GRIN1: variants seen among roughly 807,000 people sequenced by gnomAD.
The protein encoded by GRIN1 is glutamate ionotropic receptor NMDA type subunit 1, also known as glutamate receptor ionotropic, NMDA 1.
In GRIN1, 38 loss-of-function variants were observed where a neutral mutation model predicts 103.0. The observed-to-expected ratio is 0.37, with a 90% confidence interval of 0.28 to 0.48. The LOEUF is 0.48. Among genes scored for constraint, GRIN1 ranks in the 20% least tolerant of loss-of-function variants. GRIN1 has a pLI of 0.98. For synonymous variants in GRIN1, 544 were observed against 532.7 expected, an observed-to-expected ratio of 1.02 and a Z score of -0.29; for missense variants, 577 against 1,288.9, an observed-to-expected ratio of 0.45 and a Z score of 8.46.
At chr9:137,151,233 C>T (rs528510680) in intron 4 of GRIN1, among the ~76,000 whole-genome samples, 2 of 141,758 alleles carry the variant, frequency 1.4e-5, no homozygotes, top group East Asian at 4.3e-4. Flanking sequence ...CTGGTGAAAG[C>T]CCTGCCCAGA....
chr9:137,142,289 C>T (rs1336577560), intron 2 of GRIN1, 142 bp downstream of exon 2: 2 of 802,460 alleles, frequency 2.5e-6, no homozygotes, highest in African/African-American at 3.4e-5. Flanking sequence ...TCATGCACGT[C>T]CACACGCTCT....
At chr9:137,145,925 G>T in intron 3 of GRIN1, 23 bp downstream of exon 3, 1 of 1,562,794 alleles carries the variant, frequency 6.4e-7, no homozygotes, top group Non-Finnish European at 8.7e-7. Flanking sequence ...GCCGCGGGTG[G>T]GCGCCTGGCG....
chr9:137,153,109 CCA>C lies in GRIN1; in HGVS notation c.672-3550_672-3549del, dbSNP rs769826193. On this transcript the variant is annotated intron_variant, in intron 4 of 19. Coordinates refer to ENST00000371561, the MANE Select transcript of GRIN1 (RefSeq NM_007327.4). ...TGTACACACATGCACCATGCATACACCACACACACACGTGCACAAATGTATGT... is the reference window on the plus strand; with the variant it reads ...TGTACACACATGCACCATGCATACACCACACACACGTGCACAAATGTATGT... 5.3e-5 allele frequency among the ~76,000 whole-genome samples: 8 copies of C among 149,752 alleles called. No individual in the cohort carries two copies. The East Asian group carries it at 6.0e-4, about 11-fold the overall frequency.
Position 137,167,535 on chromosome 9 carries a change from C to A in GRIN1, c.*8C>A. On this transcript the variant is annotated 3_prime_UTR_variant, in exon 20 of 20. Coordinates refer to ENST00000371561, the MANE Select transcript of GRIN1 (RefSeq NM_007327.4). ...CGTCATAGGGAGAGCTGAGACTCCC[C>A]GCCCGCCCTCCTCTGCCCCCTCCCC... The A allele has an allele frequency of 6.5e-7, 1 of 1,542,330 alleles. No homozygotes were observed. The highest frequency in any genetic ancestry group is 2.4e-5 in the East Asian group (1 of 41,730).
rs748264026 is a variant in GRIN1, at chr9:137,161,953, T to C, written c.1497T>C (p.Asn499=). Residue 499 remains asparagine (N), a synonymous_variant, in exon 11 of 20, where the codon AAT becomes AAC. Coordinates refer to ENST00000371561, the MANE Select transcript of GRIN1 (RefSeq NM_007327.4). Reference sequence around the variant, plus strand: ...ACAACAGCAACAAGAAGGAGTGGAATGGGATGATGGGCGAGCTGCTCAGCG... The same window carrying C: ...ACAACAGCAACAAGAAGGAGTGGAACGGGATGATGGGCGAGCTGCTCAGCG... ...RVNNSNKKEW[N]GMMGELLSGQ... 6 of 1,566,150 alleles carry C rather than the reference T, an allele frequency of 3.8e-6. No individual in the cohort carries two copies. The highest frequency in any genetic ancestry group is 1.2e-5 in the South Asian group (1 of 85,220).
intron 1 of GRIN1, among the ~76,000 whole-genome samples, chr9:137,141,502 C>T (rs568260565): frequency 1.3e-5 from 2 of 152,334 alleles, no homozygotes; most frequent in East Asian, 3.9e-4. Context: ...GGCCCTGCCC[C>T]TGGAGACACC....
intron 8 of GRIN1, among the ~76,000 whole-genome samples, chr9:137,160,436 CT>C (rs563443845): frequency 2.0e-4 from 30 of 147,574 alleles, no homozygotes; most frequent in Admixed American, 3.4e-4. Flanking sequence ...GGAATCATGT[CT>C]TTTTTTTTTT....
Position 137,156,693 on chromosome 9 carries a change from C to A in GRIN1, c.696C>A (p.Tyr232Ter). ...SASEDDAATV[Y>*]RAAAMLNMTG... ...GCGAGGACGATGCTGCCACTGTATA[C>A]CGCGCAGCCGCGATGCTGAACATGA... The change falls in exon 5 of 20, where the codon TAC becomes TAA. Residue 232 changes from tyrosine (Y) to a stop codon, truncating the protein, a stop_gained. Coordinates refer to ENST00000371561, the MANE Select transcript of GRIN1 (RefSeq NM_007327.4). LOFTEE classifies it high-confidence loss of function. 6.3e-7 allele frequency: 1 copy of A among 1,596,844 alleles called. No individual in the cohort carries two copies. Among genetic ancestry groups the A allele is most frequent in the Non-Finnish European group, 8.5e-7 (1 of 1,172,838 alleles).
rs751074098 is a variant in GRIN1, at chr9:137,146,159, G to A, written c.570+257G>A. Among the ~76,000 whole-genome samples, 6 of 152,036 alleles carry A rather than the reference G, an allele frequency of 3.9e-5. No individual in the cohort carries two copies. Among genetic ancestry groups the A allele is most frequent in the South Asian group, 2.1e-4 (1 of 4,828 alleles). The stretch of plus-strand genomic sequence containing the variant: ...AGCTCCGCAAACACCCCTGCCCCGC[G>A]CTGCCGAGCGCCCTCGTCCCCTCCT... On this transcript the variant is annotated intron_variant, in intron 3 of 19. Transcript: ENST00000371561. The surrounding 1 kb of genome is among the most constrained non-coding windows in gnomAD (Gnocchi z 6.7).
chr9:137,144,390 C>G (rs578223501), intron 2 of GRIN1, among the ~76,000 whole-genome samples: 1 of 148,206 alleles, frequency 6.7e-6, no homozygotes, highest in East Asian at 2.1e-4. Flanking sequence ...CGCGGTGGCT[C>G]ACGCCTGTAA....
chr9:137,148,273 C>G, intron 3 of GRIN1: 2 of 1,176,830 alleles, frequency 1.7e-6, no homozygotes, highest in South Asian at 2.7e-5. Context: ...CTCGGCGCCT[C>G]GGCCACTAGG....
chr9:137,149,118 G>A lies in GRIN1; in HGVS notation c.671+9G>A, dbSNP rs1189132487. On this transcript the variant is annotated intron_variant, in intron 4 of 19. Coordinates refer to ENST00000371561, the MANE Select transcript of GRIN1 (RefSeq NM_007327.4). ...ATCATCCTTTCTGCCAGGTGAGGCT[G>A]GGCAGGGCCCTACACACTCCACACA... 4.4e-6 allele frequency: 7 copies of A among 1,573,368 alleles called. No homozygotes were observed. The highest frequency in any genetic ancestry group is 5.2e-6 in the Non-Finnish European group (6 of 1,149,170).
At position 137,163,310 on chromosome 9, in the gene GRIN1, C is replaced by A; in HGVS notation, c.2313C>A (p.Asn771Lys). ...GCAAAGACAGCCCCTGGAAGCAGAA[C>A]GTCTCCCTGTCCATCCTCAAGTGAG... The part of the protein sequence containing the change: ...GMRKDSPWKQ[N>K]VSLSILKSHE... Residue 771 changes from asparagine to lysine, a missense_variant, in exon 16 of 20, where the codon AAC (asparagine) becomes AAA (lysine). By Grantham distance (94) the Asn-to-Lys change is moderately conservative (BLOSUM62 0). Around this residue, in one of 9 missense-constraint regions of GRIN1, gnomAD observed 59 missense variants for 161.3 expected, o/e 0.37. Transcript: ENST00000371561. 1 of 1,613,678 alleles carries A rather than the reference C, an allele frequency of 6.2e-7. No individual in the cohort carries two copies.
intron 2 of GRIN1, among the ~76,000 whole-genome samples, chr9:137,143,796 C>A (rs1264020856): frequency 6.6e-6 from 1 of 152,200 alleles, no homozygotes; most frequent in African/African-American, 2.4e-5. Context: ...GAAAAATAAC[C>A]TGGAAGCCTC....
intron 19 of GRIN1, among the ~76,000 whole-genome samples, chr9:137,165,791 C>T (rs1169938361): frequency 6.6e-6 from 1 of 152,212 alleles, no homozygotes; most frequent in African/African-American, 2.4e-5. Flanking sequence ...TGTCCCATCC[C>T]GTCCGTCTGT....
chr9:137,162,255 G>T lies in GRIN1; in HGVS notation c.1716G>T (p.Val572=). 1 of 1,545,640 alleles carries T rather than the reference G, an allele frequency of 6.5e-7. No homozygotes were observed. ...LWLLVGLSVH[V]VAVMLYLLDR... ...TGCTGGTGGGGCTGTCGGTGCACGT[G>T]GTGGCCGTGATGCTGTACCTGCTGG... The change falls in exon 12 of 20, where the codon GTG becomes GTT. Residue 572 remains valine (V), a synonymous_variant. Transcript: ENST00000371561.
chr9:137,158,314 A>G, intron 6 of GRIN1, 65 bp from the exon 7 acceptor site: 3 of 1,545,940 alleles, frequency 1.9e-6, no homozygotes, highest in Non-Finnish European at 2.7e-6. Flanking sequence ...CAGCAGGGGG[A>G]AGGAGCAGGG....
Position 137,142,444 on chromosome 9 carries a change from GCACACATCACACACT to G in GRIN1, c.393+312_393+326del, listed in dbSNP as rs1240025643. On this transcript the variant is annotated intron_variant, in intron 2 of 19. Coordinates refer to ENST00000371561, the MANE Select transcript of GRIN1 (RefSeq NM_007327.4). The stretch of plus-strand genomic sequence containing the variant: ...GCCCAGAGCAGGCCAAAGGGAGGGG[GCACACATCACACACT>G]CACACATCACACACACATCACACAC... Among the ~76,000 whole-genome samples, 5 of 152,150 alleles carry G rather than the reference GCACACATCACACACT, an allele frequency of 3.3e-5. No homozygotes were observed. In the East Asian group the frequency reaches 5.8e-4, roughly 18 times the overall value.
At chr9:137,144,483 T>A (rs1362380290) in intron 2 of GRIN1, among the ~76,000 whole-genome samples, 1 of 151,372 alleles carries the variant, frequency 6.6e-6, no homozygotes, top group African/African-American at 2.4e-5. Context: ...TGAAACCCCA[T>A]CTCCACTAAA....
Sources: allele counts gnomAD v4.1 joint callset (sites outside exome capture counted in the v4.1 genomes callset), GRCh38; gene constraint gnomAD v4.1.1; regional missense constraint gnomAD v4.1.1; non-coding constraint Gnocchi (gnomAD v3.1); transcripts MANE v1.5; gene names NCBI Gene and HGNC (gene_info 2026-07-23, HGNC 2026-07-21).